LTBP1: variants seen among roughly 807,000 people sequenced by gnomAD.
LTBP1 encodes latent-transforming growth factor beta-binding protein 1.
A neutral mutation model predicts 207.6 loss-of-function variants in LTBP1; 129 were observed. The ratio of observed to expected loss-of-function variants is 0.62; its 90% CI spans 0.54 to 0.72. The LOEUF (loss-of-function observed/expected upper bound fraction) is 0.72. Ranked by LOEUF, LTBP1 falls within the 30% of genes least tolerant of loss-of-function variation. The pLI is 0.00. For missense variants in LTBP1, 2,281 were observed against 2,217.2 expected, an observed-to-expected ratio of 1.03 and a Z score of -0.58; for synonymous variants, 963 against 833.7, an observed-to-expected ratio of 1.16 and a Z score of -2.67.
chr2:33,260,675 A>G (rs1349983563), intron 13 of LTBP1, among the ~76,000 whole-genome samples: 1 of 152,226 alleles, frequency 6.6e-6, no homozygotes, highest in East Asian at 1.9e-4. Flanking sequence ...TGTATAACAG[A>G]TATGCATACT....
chr2:33,110,865 A>T (rs2080361035), intron 4 of LTBP1, 114 bp downstream of exon 4: 1 of 1,021,322 alleles, frequency 9.8e-7, no homozygotes, highest in African/African-American at 1.6e-5. Context: ...AAGAGTCATT[A>T]AAAAATCCAC....
At chr2:33,037,842 C>A (rs1437757904) in intron 3 of LTBP1, among the ~76,000 whole-genome samples, 1 of 152,216 alleles carries the variant, frequency 6.6e-6, no homozygotes, top group Non-Finnish European at 1.5e-5. Flanking sequence ...CTCAGCCACC[C>A]AAGTAACTGG....
intron 2 of LTBP1, among the ~76,000 whole-genome samples, chr2:32,986,576 A>G (rs528728366): frequency 6.6e-6 from 1 of 152,300 alleles, no homozygotes; most frequent in Admixed American, 6.5e-5. Context: ...TTGTGAAAAC[A>G]AAAACAGAAA....
At chr2:33,080,340 T>G (rs1443551460) in intron 3 of LTBP1, among the ~76,000 whole-genome samples, 1 of 152,198 alleles carries the variant, frequency 6.6e-6, no homozygotes, top group Non-Finnish European at 1.5e-5. Context: ...GACCACATGT[T>G]TTAAACTAGA....
chr2:33,132,811 G>A (rs998653033), intron 4 of LTBP1, among the ~76,000 whole-genome samples: 1 of 152,196 alleles, frequency 6.6e-6, no homozygotes, highest in African/African-American at 2.4e-5. Flanking sequence ...CAACCCAGCT[G>A]ATGGGTTCAA....
chr2:33,360,214 C>T (rs577300107), intron 26 of LTBP1, among the ~76,000 whole-genome samples: 47 of 152,170 alleles, frequency 3.1e-4, no homozygotes, highest in African/African-American at 1.1e-3. Context: ...GGCTCAGACC[C>T]GTGGTCAAGT....
chr2:33,057,846 G>A (rs55783470), intron 3 of LTBP1, among the ~76,000 whole-genome samples: 16,865 of 152,288 alleles, frequency 0.11, 1,051 homozygotes, highest in African/African-American at 0.13. Flanking sequence ...AGGCGGCTCC[G>A]GCCTCGGCCA....
rs190520622 is a variant in LTBP1 at position 33,116,831 on chromosome 2, C to T, written c.1033+6080C>T. Among the ~76,000 whole-genome samples the T allele has an allele frequency of 1.2e-4, 18 of 151,448 alleles. No individual in the cohort carries two copies. The East Asian group carries it at 3.3e-3, about 28-fold the overall frequency. On this transcript the variant is annotated intron_variant, in intron 4 of 33. Transcript: ENST00000404816. ...AAAGTGAGGTCAAGCCCACTTTTTA[C>T]TTAAAGTGTTAAACCTAACCTTTTT...
Position 33,262,788 on chromosome 2 carries a change from A to G in LTBP1, c.2485A>G (p.Ile829Val), listed in dbSNP as rs2093055662. 6.2e-7 allele frequency: 1 copy of G among 1,606,988 alleles called. No individual in the cohort carries two copies. The highest frequency in any genetic ancestry group is 8.5e-7 in the Non-Finnish European group (1 of 1,175,650). ...EPGQPQLSPGISTIHLHPQFP... is the reference protein window; with the variant it reads ...EPGQPQLSPGVSTIHLHPQFP... ...TGGTCAACCCCAGCTGTCTCCAGGC[A>G]TTTCCACTATTCATCTGCATCCACA... The change falls in exon 14 of 34, where the codon ATT becomes GTT. Residue 829 changes from isoleucine (I) to valine (V), a missense_variant. This residue lies in a region of LTBP1 where 1,671 missense variants were observed against 1,634.8 expected (regional missense o/e 1.02). Transcript: ENST00000404816.
intron 2 of LTBP1, among the ~76,000 whole-genome samples, chr2:32,963,639 C>G (rs1679491721): frequency 6.6e-6 from 1 of 152,170 alleles, no homozygotes; most frequent in Non-Finnish European, 1.5e-5. Flanking sequence ...CTGTTCTGTT[C>G]CTTAACATAA....
rs201059639 is a variant in LTBP1 at position 33,182,687 on chromosome 2, G to GAT, written c.1202-4157_1202-4156dup. On this transcript the variant is annotated intron_variant, in intron 5 of 33. Transcript: ENST00000404816. ...AAAAAAAAAAAGAAGAAAAGATGGTGATATATATATATACACACACACACA... is the reference window on the plus strand; with the variant it reads ...AAAAAAAAAAAGAAGAAAAGATGGTGATATATATATATATACACACACACACA... Among the ~76,000 whole-genome samples the GAT allele has an allele frequency of 3.7e-3, 249 of 67,044 alleles. 40 individuals carry two copies. Among genetic ancestry groups the GAT allele is most frequent in the Non-Finnish European group, 6.2e-3 (193 of 31,282 alleles). 44.0% of individuals were successfully genotyped at this position (67,044 alleles called of 152,430 possible). A position where few individuals can be genotyped will look rare whatever the true frequency, so the allele number is the denominator to read the frequency against.
chr2:33,017,398 G>T (rs1688536616), intron 2 of LTBP1, among the ~76,000 whole-genome samples: 1 of 152,190 alleles, frequency 6.6e-6, no homozygotes, highest in Non-Finnish European at 1.5e-5. Flanking sequence ...TTGGAGGGCA[G>T]TCACTGATTG....
intron 24 of LTBP1, chr2:33,318,028 G>C (rs2094297762): frequency 6.6e-6 from 1 of 152,126 alleles, no homozygotes; most frequent in Non-Finnish European, 1.5e-5. Context: ...AACTTTATGA[G>C]TGCAGATGTG....
intron 2 of LTBP1, 85 bp from the exon 3 acceptor site, chr2:33,020,824 C>G: frequency 7.6e-7 from 1 of 1,314,700 alleles, no homozygotes; most frequent in East Asian, 2.3e-5. Context: ...AACAAACAAC[C>G]TGATGCTACT....
chr2:33,255,961 A>AT, intron 11 of LTBP1, among the ~76,000 whole-genome samples: 1 of 151,966 alleles, frequency 6.6e-6, no homozygotes, highest in East Asian at 1.9e-4. Flanking sequence ...GATTAGGTGG[A>AT]TTTTTCCTCT....
At chr2:33,379,219 T>TC (rs2095183743) in intron 31 of LTBP1, among the ~76,000 whole-genome samples, 4 of 101,932 alleles carry the variant, frequency 3.9e-5, no homozygotes, top group African/African-American at 8.1e-5. Context: ...TTTTTTTTTT[T>TC]CTTTTTCCAA....
intron 4 of LTBP1, among the ~76,000 whole-genome samples, chr2:33,121,046 G>A (rs904803792): frequency 2.7e-5 from 4 of 150,102 alleles, no homozygotes; most frequent in South Asian, 2.1e-4. Flanking sequence ...GATTATCATC[G>A]TTATTTCTCA....
chr2:33,354,599 C>T (rs1267157589), intron 26 of LTBP1, among the ~76,000 whole-genome samples: 1 of 150,608 alleles, frequency 6.6e-6, no homozygotes, highest in Non-Finnish European at 1.5e-5. Context: ...ATAGATAGTA[C>T]CTAAAGTCAT....
intron 5 of LTBP1, among the ~76,000 whole-genome samples, chr2:33,175,595 A>C (rs1405060617): frequency 6.6e-6 from 1 of 152,182 alleles, no homozygotes; most frequent in Non-Finnish European, 1.5e-5. Context: ...AGTCAGTGTG[A>C]CACTTCCTCA....
Sources: gnomAD v4.1 joint callset for allele counts (sites outside exome capture counted in the v4.1 genomes callset) on GRCh38, gnomAD v4.1.1 for gene constraint, gnomAD v4.1.1 regional missense constraint, MANE v1.5 for transcripts, NCBI Gene and HGNC (gene_info 2026-07-23, HGNC 2026-07-21) for gene names.